The following LGR6 variants were observed in gnomAD, a reference collection of about 807,000 sequenced individuals.
LGR6 encodes the protein leucine rich repeat containing G protein-coupled receptor 6, also known as leucine-rich repeat-containing G protein-coupled receptor 6.
Under a neutral mutation model 69.4 loss-of-function variants are expected in LGR6, and 45 were observed. That is an observed-to-expected ratio of 0.65 (90% CI 0.51 to 0.83). The LOEUF (loss-of-function observed/expected upper bound fraction) is 0.83. Ranked by LOEUF, LGR6 falls within the 40% of genes least tolerant of loss-of-function variation. LGR6 has a pLI of 0.00. For synonymous variants in LGR6, 538 were observed against 555.0 expected (o/e 0.97, Z 0.43); for missense variants, 1,108 against 1,246.7 (o/e 0.89, Z 1.68).
rs1307318929 is a variant in LGR6 at position 202,239,897 on chromosome 1, A to C, written c.428+3904A>C. Among the ~76,000 whole-genome samples, 5 of 152,220 alleles carry C rather than the reference A, an allele frequency of 3.3e-5. No individual in the cohort carries two copies. In the East Asian group the frequency reaches 9.6e-4, roughly 29 times the overall value. ...TCAACAGCATAGAATGAAATGATTT[A>C]ATATACATAAAAGAATTAGAACAGC... On this transcript the variant is annotated intron_variant, in intron 4 of 17. Coordinates refer to ENST00000367278, the MANE Select transcript of LGR6 (RefSeq NM_001017403.2).
At chr1:202,263,621 A>G (rs1237212385) in intron 4 of LGR6, among the ~76,000 whole-genome samples, 1 of 152,128 alleles carries the variant, frequency 6.6e-6, no homozygotes, top group Non-Finnish European at 1.5e-5. Context: ...GTACTTGTGG[A>G]CCAATCAGTA....
intron 1 of LGR6, among the ~76,000 whole-genome samples, chr1:202,208,176 C>T (rs1441615462): frequency 6.6e-6 from 1 of 152,168 alleles, no homozygotes; most frequent in African/African-American, 2.4e-5. Flanking sequence ...ACCCTCCTGA[C>T]TCCAGCAACT....
At chr1:202,202,009 G>T (rs1490425071) in intron 1 of LGR6, among the ~76,000 whole-genome samples, 3 of 152,182 alleles carry the variant, frequency 2.0e-5, no homozygotes, top group African/African-American at 7.2e-5. Context: ...AATCCTGGGA[G>T]CATCCAGGGA....
At chr1:202,242,555 C>T (rs1214601470) in intron 4 of LGR6, among the ~76,000 whole-genome samples, 2 of 152,176 alleles carry the variant, frequency 1.3e-5, no homozygotes, top group Non-Finnish European at 1.5e-5. Context: ...TGGCTCTGCT[C>T]TTGAATTGTT....
intron 1 of LGR6, among the ~76,000 whole-genome samples, chr1:202,195,440 C>A (rs11805510): frequency 0.021 from 3,147 of 152,290 alleles, 122 homozygotes; most frequent in African/African-American, 0.072. Context: ...TGTCCCCCTC[C>A]ACTCCAAAAG....
intron 4 of LGR6, 28 bp downstream of exon 4, chr1:202,236,021 G>C (rs1169604517): frequency 1.9e-6 from 3 of 1,597,018 alleles, no homozygotes; most frequent in Non-Finnish European, 8.6e-7. Flanking sequence ...TGGTCTGGGA[G>C]TCACCAGCTT....
In LGR6 at chr1:202,318,106, A is replaced by G; in HGVS notation, c.1803A>G (p.Val601=). 3.7e-6 allele frequency: 6 copies of G among 1,614,162 alleles called. No homozygotes were observed. Among genetic ancestry groups the G allele is most frequent in the Non-Finnish European group, 5.1e-6 (6 of 1,180,016 alleles). ...CCCTGCCCCCGGTCAAGTTTGTGGT[A>G]GGTGCGATTGCAGGCGCCAACACCT... ...PVPLPPVKFV[V]GAIAGANTLT... is the part of the protein sequence containing the mutation. Residue 601 remains valine, a synonymous_variant, in exon 18 of 18, where the codon GTA becomes GTG. Coordinates refer to ENST00000367278, the MANE Select transcript of LGR6 (RefSeq NM_001017403.2).
chr1:202,282,141 G>C (rs972872565), intron 6 of LGR6, among the ~76,000 whole-genome samples: 21 of 152,320 alleles, frequency 1.4e-4, no homozygotes, highest in East Asian at 5.8e-4. Flanking sequence ...ACTGAGGTGT[G>C]GGGGACATGC....
At chr1:202,273,544 G>A (rs1005325736) in intron 4 of LGR6, among the ~76,000 whole-genome samples, 2 of 147,062 alleles carry the variant, frequency 1.4e-5, no homozygotes, top group Non-Finnish European at 3.0e-5. Flanking sequence ...CACACCCTCC[G>A]CCTCCCAGGT....
chr1:202,205,728 TCAAA>T lies in LGR6; in HGVS notation c.212+11530_212+11533del, dbSNP rs1659188310. ...CACACCCCTAACACACACACCTTCT[TCAAA>T]CACACACACACACCTCCTTCAAATA... On this transcript the variant is annotated intron_variant, in intron 1 of 17. Transcript: ENST00000367278. 3.5e-5 allele frequency among the ~76,000 whole-genome samples: 4 copies of T among 114,156 alleles called. No homozygotes were observed. The South Asian group carries it at 9.1e-4, about 26-fold the overall frequency. 74.9% of individuals were successfully genotyped at this position (114,156 alleles called of 152,430 possible).
At position 202,318,280 on chromosome 1, in the gene LGR6, G is replaced by C. The variant is rs1654318867; in HGVS notation, c.1977G>C (p.Leu659=). The C allele has an allele frequency of 1.9e-6, 3 of 1,603,122 alleles. No homozygotes were observed. Among genetic ancestry groups the C allele is most frequent in the Non-Finnish European group, 2.6e-6 (3 of 1,173,978 alleles). The change falls in exon 18 of 18, where the codon CTG becomes CTC. Residue 659 remains leucine (L), a synonymous_variant. Transcript: ENST00000367278. The stretch of plus-strand genomic sequence containing the variant: ...TTGGGTCGGAGGCATCGGTGCTGCT[G>C]CTCACTCTGGCCGCAGTGCAGTGCA... ...AVLGSEASVL[L]LTLAAVQCSV... is the part of the protein sequence containing the mutation.
intron 4 of LGR6, among the ~76,000 whole-genome samples, chr1:202,242,815 C>T (rs2148028279): frequency 6.6e-6 from 1 of 152,314 alleles, no homozygotes; most frequent in African/African-American, 2.4e-5. Flanking sequence ...TCATCTCATG[C>T]CTCTGATCGC....
chr1:202,273,596 T>TA (rs1665292122), intron 4 of LGR6, among the ~76,000 whole-genome samples: 1 of 152,068 alleles, frequency 6.6e-6, no homozygotes, highest in African/African-American at 2.4e-5. Flanking sequence ...TAGCTGGGAT[T>TA]ACAGGCGTGT....
intron 1 of LGR6, among the ~76,000 whole-genome samples, chr1:202,204,130 C>T (rs1314559193): frequency 6.6e-6 from 1 of 151,936 alleles, no homozygotes; most frequent in Non-Finnish European, 1.5e-5. Flanking sequence ...CATGCCTCCT[C>T]CTTCAGTCTG....
chr1:202,314,982 A>G (rs1654036294), intron 17 of LGR6, 100 bp downstream of exon 17: 1 of 831,624 alleles, frequency 1.2e-6, no homozygotes, highest in East Asian at 2.6e-5. Flanking sequence ...CTGCAGCCAC[A>G]TTCTTTGCCT....
chr1:202,301,722 A>AAAGCTTCCATGGG (rs1667609622), intron 9 of LGR6, among the ~76,000 whole-genome samples: 1 of 152,108 alleles, frequency 6.6e-6, no homozygotes, highest in African/African-American at 2.4e-5. Context: ...ACTTCTTCAA[A>AAAGCTTCCATGGG]AAGCTTCCAT....
intron 7 of LGR6, among the ~76,000 whole-genome samples, chr1:202,298,985 C>T (rs1166150371): frequency 2.0e-5 from 3 of 150,346 alleles, no homozygotes; most frequent in Non-Finnish European, 3.0e-5. Context: ...TCTGGCCGGG[C>T]GTGGTGGTTC....
intron 1 of LGR6, among the ~76,000 whole-genome samples, chr1:202,214,990 GGTGTGTGT>G (rs3221675): frequency 1.1e-4 from 16 of 145,614 alleles, no homozygotes; most frequent in East Asian, 4.1e-4. Flanking sequence ...GGTGCACCTG[GGTGTGTGT>G]GTGTGTGTGT....
intron 1 of LGR6, among the ~76,000 whole-genome samples, chr1:202,221,492 G>A (rs915498782): frequency 6.6e-6 from 1 of 152,026 alleles, no homozygotes; most frequent in African/African-American, 2.4e-5. Flanking sequence ...CCTCCTGCAC[G>A]TCTCTCCCTG....
Sources: allele counts gnomAD v4.1 joint callset (sites outside exome capture counted in the v4.1 genomes callset), GRCh38; gene constraint gnomAD v4.1.1; transcripts MANE v1.5; gene names NCBI Gene and HGNC (gene_info 2026-07-23, HGNC 2026-07-21).